The following CDAN1 variants were observed in gnomAD, a reference collection of about 807,000 sequenced individuals.
CDAN1 encodes the protein codanin 1.
Under a neutral mutation model 139.8 loss-of-function variants are expected in CDAN1, and 107 were observed. That is an observed-to-expected ratio of 0.77 (90% confidence interval 0.65 to 0.90). The LOEUF (loss-of-function observed/expected upper bound fraction) is 0.90, where lower values mean the gene tolerates loss of function less well. Ranked by LOEUF, CDAN1 falls within the 40% of genes least tolerant of loss-of-function variation. CDAN1 has a pLI of 0.00. For synonymous variants in CDAN1, 776 were observed against 660.6 expected (o/e 1.17, Z -2.68); for missense variants, 1,667 against 1,575.7 (o/e 1.06, Z -0.98).
intron 17 of CDAN1, 28 bp downstream of exon 17, chr15:42,729,540 G>T: frequency 5.0e-6 from 8 of 1,614,084 alleles, no homozygotes; most frequent in Middle Eastern, 3.3e-4. Context: ...GACAGACCAA[G>T]GACCGTCCAG....
rs2061615991 is a variant in CDAN1 at position 42,731,801 on chromosome 15, C to T, written c.1558G>A (p.Gly520Arg). 3 of 1,613,882 alleles carry T rather than the reference C, an allele frequency of 1.9e-6. No homozygotes were observed. Among genetic ancestry groups the T allele is most frequent in the African/African-American group, 1.3e-5 (1 of 74,910 alleles). Residue 520 changes from glycine (G) to arginine (R), a missense_variant, in exon 11 of 28, where the codon GGG (glycine) becomes AGG (arginine). Gly to Arg is a moderately radical substitution (Grantham distance 125). This residue lies in a region of CDAN1 where 244 missense variants were observed against 309.4 expected (regional missense o/e 0.79). Transcript: ENST00000356231. ...LQMCQSPGGA[G>R]GTVLGEAPDV... The stretch of plus-strand genomic sequence containing the variant: ...GGGGCCTCGCCCAAGACGGTGCCCC[C>T]AGCACCACCAGGGCTCTGACACATC...
chr15:42,728,617 G>C, intron 20 of CDAN1, 35 bp downstream of exon 20: 1 of 1,612,884 alleles, frequency 6.2e-7, no homozygotes, highest in Non-Finnish European at 8.5e-7. Flanking sequence ...AGAAAGCCAA[G>C]AGGAGAGTGG....
Position 42,725,586 on chromosome 15 carries a change from A to G in CDAN1, c.3353T>C (p.Leu1118Pro). The G allele has an allele frequency of 1.2e-6, 2 of 1,614,182 alleles. No homozygotes were observed. Among genetic ancestry groups the G allele is most frequent in the Non-Finnish European group, 1.7e-6 (2 of 1,180,040 alleles). The change falls in exon 26 of 28, where the codon CTT becomes CCT. Residue 1118 changes from leucine (L) to proline (P), a missense_variant. Leu to Pro is a moderately conservative substitution (Grantham distance 98). Coordinates refer to ENST00000356231, the MANE Select transcript of CDAN1 (RefSeq NM_138477.4). ...CTGAAAGTCTTCCTTCCACAAGGAAAGCAGCATGTGCAGAAGCCTTCGAGC... is the reference window on the plus strand; with the variant it reads ...CTGAAAGTCTTCCTTCCACAAGGAAGGCAGCATGTGCAGAAGCCTTCGAGC... ...GQARRLLHML[L>P]SLWKEDFQGP...
chr15:42,726,449 G>C lies in CDAN1; in HGVS notation c.3097-32C>G, dbSNP rs539031324. On this transcript the variant is annotated intron_variant, in intron 23 of 27. Transcript: ENST00000356231. ...AGAGCAGGGGGAGATATCACCTTGC[G>C]CTGGGGGCCAGGATGCCACAGAGAA... 1.3e-4 allele frequency: 200 copies of C among 1,499,800 alleles called. 1 individual carries two copies. In the South Asian group the frequency reaches 2.2e-3, roughly 16 times the overall value. The allele number at this position is 1,499,800 out of a possible 1,614,324, so 92.9% of individuals were successfully genotyped here.
intron 8 of CDAN1, 148 bp downstream of exon 8, chr15:42,733,790 G>A (rs2061648217): frequency 2.9e-6 from 2 of 678,968 alleles, no homozygotes; most frequent in Non-Finnish European, 2.7e-6. Flanking sequence ...AAGCCAGGTG[G>A]TCCCTATGAT....
chr15:42,733,194 A>G lies in CDAN1; in HGVS notation c.1368-8T>C, dbSNP rs780370749. On this transcript the variant is annotated splice_region_variant and splice_polypyrimidine_tract_variant and intron_variant, in intron 8 of 27. Transcript: ENST00000356231. ...ACCTCATAAAACACATCCCTGACGC[A>G]TAAGAACGCCTGATCAGCCGAGGCA... The G allele has an allele frequency of 3.7e-6, 6 of 1,613,104 alleles. 1 individual carries two copies. The highest frequency in any genetic ancestry group is 4.5e-5 in the East Asian group (2 of 44,854).
In CDAN1 at chr15:42,736,316, G is replaced by A. The variant is rs1320959190; in HGVS notation, c.555C>T (p.Pro185=). The change falls in exon 2 of 28, where the codon CCC becomes CCT. Residue 185 remains proline, a synonymous_variant. Transcript: ENST00000356231. ...LEEFPPVGSV[P]PGPTGTKPSR... Reference sequence around the variant, plus strand: ...CTGAGTCTCACCCTGTAGGGCCGGGGGGAACCGAGCCTACGGGAGGGAACT... The same window carrying A: ...CTGAGTCTCACCCTGTAGGGCCGGGAGGAACCGAGCCTACGGGAGGGAACT... 6.8e-6 allele frequency: 11 copies of A among 1,613,648 alleles called. No individual in the cohort carries two copies. The highest frequency in any genetic ancestry group is 9.3e-6 in the Non-Finnish European group (11 of 1,179,942).
chr15:42,734,146 C>G (rs1238524293), intron 7 of CDAN1, 80 bp downstream of exon 7: 2 of 1,607,386 alleles, frequency 1.2e-6, no homozygotes, highest in African/African-American at 2.7e-5. Flanking sequence ...ACTGAAGTGT[C>G]GTCAGCAGGG....
In CDAN1 at chr15:42,735,647, G is replaced by A. The variant is rs531376075; in HGVS notation, c.806C>T (p.Thr269Ile). The change falls in exon 4 of 28, where the codon ACC becomes ATC. Residue 269 changes from threonine (T) to isoleucine (I), a missense_variant. This residue lies in a region of CDAN1 where 487 missense variants were observed against 422.2 expected (regional missense o/e 1.15). Transcript: ENST00000356231. Reference protein sequence around the residue: ...SKQLQQSPTPTCPTPELGSPL... With the variant: ...SKQLQQSPTPICPTPELGSPL... ...CGACCCCAATTCTGGGGTGGGACAGGTGGGGGTAGGTGACTGCTGCAGCTG... is the reference window on the plus strand; with the variant it reads ...CGACCCCAATTCTGGGGTGGGACAGATGGGGGTAGGTGACTGCTGCAGCTG... 8 of 1,614,008 alleles carry A rather than the reference G, an allele frequency of 5.0e-6. No individual in the cohort carries two copies. Among genetic ancestry groups the A allele is most frequent in the African/African-American group, 1.3e-5 (1 of 74,914 alleles).
Position 42,724,245 on chromosome 15 carries a change from C to T in CDAN1, c.*246G>A, listed in dbSNP as rs2061494086. 1.9e-6 allele frequency: 1 copy of T among 513,450 alleles called. No homozygotes were observed. Among genetic ancestry groups the T allele is most frequent in the Non-Finnish European group, 3.6e-6 (1 of 280,888 alleles). The allele number at this position is 513,450 out of a possible 1,614,324, so 31.8% of individuals were successfully genotyped here. ...TAGTATCCAAGAGATAAACAAACAC[C>T]ACCTCTTCTACTCCAGGACTGGCAT... is the stretch of plus-strand genomic sequence containing the variant. On this transcript the variant is annotated 3_prime_UTR_variant, in exon 28 of 28. Transcript: ENST00000356231.
rs1555414815 is a variant in CDAN1 at position 42,728,883 on chromosome 15, T to C, written c.2646-73A>G. The C allele has an allele frequency of 2.6e-5, 41 of 1,607,398 alleles. 1 individual carries two copies. In the South Asian group the frequency reaches 3.3e-4, roughly 13 times the overall value. ...AAGAGGCTGAAAATTTATGGGAATT[T>C]GGTCAGAAATTTGCTTCAAAATGTG... On this transcript the variant is annotated intron_variant, in intron 19 of 27. Transcript: ENST00000356231.
In CDAN1 at chr15:42,734,410, C is replaced by G; in HGVS notation, c.1137-64G>C. ...CAGACTGCAAGTAGGAAGCAAGCAC[C>G]TGCACACCACAGAGGATCTCTAAGG... On this transcript the variant is annotated intron_variant, in intron 6 of 27. Transcript: ENST00000356231. The G allele has an allele frequency of 2.5e-6, 4 of 1,602,194 alleles. No individual in the cohort carries two copies. The South Asian group carries it at 3.3e-5, about 13-fold the overall frequency.
rs751459847 is a variant in CDAN1 at position 42,729,876 on chromosome 15, C to A, written c.2272G>T (p.Val758Phe). 6.2e-7 allele frequency: 1 copy of A among 1,612,962 alleles called. No individual in the cohort carries two copies. The change falls in exon 16 of 28, where the codon GTC (valine) becomes TTC (phenylalanine). Residue 758 changes from valine (V) to phenylalanine (F), a missense_variant. Physicochemically the swap from Val to Phe is conservative, Grantham distance 50. Transcript: ENST00000356231. ...TCCAGAAAGAACAAGTCCTCAGGGA[C>A]TGTGGGAATCTGGCAAGACAGTCAC... is the stretch of plus-strand genomic sequence containing the variant. The part of the protein sequence containing the change: ...VLGWLFQIPT[V>F]PEDLFFLEEG...
rs1474689889 is a variant in CDAN1 at position 42,729,301 on chromosome 15, G to A, written c.2469C>T (p.Phe823=). 1.2e-6 allele frequency: 2 copies of A among 1,613,866 alleles called. No homozygotes were observed. The highest frequency in any genetic ancestry group is 8.5e-7 in the Non-Finnish European group (1 of 1,179,974). ...VSGSSGRSGG[F]MRKITPTTTT... is the part of the protein sequence containing the mutation. ...TAGTGGTGGGGGTGATTTTCCTCAT[G>A]AAGCCCCCACTCCGTCCACTACTGC... Residue 823 remains phenylalanine, a synonymous_variant, in exon 18 of 28, where the codon TTC becomes TTT. Transcript: ENST00000356231.
At chr15:42,733,750 C>A (rs763425164) in intron 8 of CDAN1, among the ~76,000 whole-genome samples, 188 bp downstream of exon 8, 2 of 152,200 alleles carry the variant, frequency 1.3e-5, no homozygotes, top group African/African-American at 2.4e-5. Context: ...GCTTGCTAAG[C>A]GCCGGGGTTC....
At position 42,724,593 on chromosome 15, in the gene CDAN1, T is replaced by C. The variant is rs1188500383; in HGVS notation, c.3582A>G (p.Thr1194=). The change falls in exon 28 of 28, where the codon ACA becomes ACG. Residue 1194 remains threonine (T), a synonymous_variant. Coordinates refer to ENST00000356231, the MANE Select transcript of CDAN1 (RefSeq NM_138477.4). ...WPGDFAEELA[T]LSNLFLAEPH... is the part of the protein sequence containing the mutation. ...GCTCGGCTAGAAACAGATTAGACAG[T>C]GTTGCTAATTCTTCAGCAAAGTCCT... 7 of 1,552,204 alleles carry C rather than the reference T, an allele frequency of 4.5e-6. No individual in the cohort carries two copies. In the Admixed American group the frequency reaches 9.8e-5, roughly 22 times the overall value.
rs201125492 is a variant in CDAN1, at chr15:42,726,305, C to T, written c.3204+5G>A. 2.6e-4 allele frequency: 407 copies of T among 1,587,710 alleles called. 2 individuals carry two copies. Among genetic ancestry groups the T allele is most frequent in the Middle Eastern group, 8.7e-4 (5 of 5,780 alleles). On this transcript the variant is annotated splice_donor_5th_base_variant and intron_variant, in intron 24 of 27. Transcript: ENST00000356231. Reference sequence around the variant, plus strand: ...AGCCCCCCGGTGGCAGATGCCACAGCTCACCTGGCGGCACCGCAGCGTCTG... The same window carrying T: ...AGCCCCCCGGTGGCAGATGCCACAGTTCACCTGGCGGCACCGCAGCGTCTG...
chr15:42,735,156 G>A lies in CDAN1; in HGVS notation c.1080C>T (p.Phe360=), dbSNP rs932545322. Residue 360 remains phenylalanine (F), a synonymous_variant, in exon 6 of 28, where the codon TTC becomes TTT. Coordinates refer to ENST00000356231, the MANE Select transcript of CDAN1 (RefSeq NM_138477.4). ...AVLDSLESPL[F]QSIHDCVFFA... ...AGAAGACACAATCGTGGATGCTTTG[G>A]AACAGTGGACTTTCCAGGGAATCTA... The A allele has an allele frequency of 1.2e-6, 2 of 1,613,758 alleles. No homozygotes were observed. The highest frequency in any genetic ancestry group is 1.7e-6 in the Non-Finnish European group (2 of 1,179,816).
Position 42,735,375 on chromosome 15 carries a change from CTAGA to C in CDAN1, c.944-5_944-2del. 1.2e-6 allele frequency: 2 copies of C among 1,601,276 alleles called. No individual in the cohort carries two copies. The highest frequency in any genetic ancestry group is 1.7e-6 in the Non-Finnish European group (2 of 1,173,168). ...AAGAAGAGGTTTGGTACCAGGTTCT[CTAGA>C]TAGATACAAAAAGAAAGCCCATGGT... On this transcript the variant is annotated splice_acceptor_variant and splice_polypyrimidine_tract_variant and intron_variant, in intron 4 of 27. Coordinates refer to ENST00000356231, the MANE Select transcript of CDAN1 (RefSeq NM_138477.4). LOFTEE classifies it high-confidence loss of function.
Sources: allele counts gnomAD v4.1 joint callset (sites outside exome capture counted in the v4.1 genomes callset), GRCh38; gene constraint gnomAD v4.1.1; regional missense constraint gnomAD v4.1.1; transcripts MANE v1.5; gene names NCBI Gene and HGNC (gene_info 2026-07-23, HGNC 2026-07-21).